Variants in LUZP2 observed in about 807,000 individuals in gnomAD.
The protein encoded by LUZP2 is leucine zipper protein 2.
Under a neutral mutation model 51.6 loss-of-function variants are expected in LUZP2, and 52 were observed. The observed-to-expected ratio is 1.01, with a 90% CI of 0.81 to 1.27. The LOEUF (loss-of-function observed/expected upper bound fraction) is 1.27, where lower values mean the gene tolerates loss of function less well. LUZP2 is among the 50% of genes most tolerant of loss of function. The pLI is 0.00. For missense variants in LUZP2, 436 were observed against 395.4 expected, an observed-to-expected ratio of 1.10 and a Z score of -0.87; for synonymous variants, 154 against 137.3, an observed-to-expected ratio of 1.12 and a Z score of -0.85.
chr11:24,921,567 C>T (rs1328646546), intron 7 of LUZP2, among the ~76,000 whole-genome samples: 1 of 152,004 alleles, frequency 6.6e-6, no homozygotes, highest in Non-Finnish European at 1.5e-5. Context: ...CTTTTAAAGC[C>T]GCATTTTTGT....
intron 5 of LUZP2, among the ~76,000 whole-genome samples, chr11:24,901,998 A>G (rs1037239123): frequency 5.3e-5 from 8 of 152,164 alleles, no homozygotes; most frequent in African/African-American, 1.9e-4. Context: ...GTCTCCCTTA[A>G]TAAATCAAAC....
At chr11:24,826,190 A>AAAAAAAAATATATATATATATAT (rs1215786412) in intron 5 of LUZP2, among the ~76,000 whole-genome samples, 1 of 67,536 alleles carries the variant, frequency 1.5e-5, no homozygotes, top group African/African-American at 5.9e-5. Context: ...AAAAAAAAAA[A>AAAAAAAAATATATATATATATAT]ATATATATAT....
chr11:24,546,156 G>T (rs1851534431), intron 1 of LUZP2, among the ~76,000 whole-genome samples: 1 of 151,986 alleles, frequency 6.6e-6, no homozygotes, highest in Admixed American at 6.6e-5. Flanking sequence ...TTTTGAAGTT[G>T]CTTATCAGCT....
At chr11:24,869,956 G>A (rs1852009494) in intron 5 of LUZP2, among the ~76,000 whole-genome samples, 1 of 152,144 alleles carries the variant, frequency 6.6e-6, no homozygotes. Flanking sequence ...TAGCCAAATT[G>A]TGAATGTAAA....
chr11:24,971,254 T>A (rs1342982318), intron 7 of LUZP2, among the ~76,000 whole-genome samples: 1 of 152,070 alleles, frequency 6.6e-6, no homozygotes, highest in Non-Finnish European at 1.5e-5. Context: ...TTCAAGTGCA[T>A]TATATTTGTC....
intron 1 of LUZP2, among the ~76,000 whole-genome samples, chr11:24,585,537 T>G (rs1320510906): frequency 1.3e-5 from 2 of 152,152 alleles, no homozygotes; most frequent in Non-Finnish European, 2.9e-5. Flanking sequence ...TCATATGCTG[T>G]TTTACTTATC....
chr11:24,754,939 A>T (rs1291671978), intron 4 of LUZP2, among the ~76,000 whole-genome samples: 1 of 152,144 alleles, frequency 6.6e-6, no homozygotes, highest in African/African-American at 2.4e-5. Context: ...TGAGGTCAGG[A>T]GTTCAAGACC....
At chr11:24,695,919 T>G (rs1208145875) in intron 1 of LUZP2, among the ~76,000 whole-genome samples, 2 of 151,406 alleles carry the variant, frequency 1.3e-5, no homozygotes, top group Non-Finnish European at 2.9e-5. Context: ...GGGGAAAGAA[T>G]GGGAAAATAA....
intron 9 of LUZP2, among the ~76,000 whole-genome samples, chr11:25,045,936 A>C (rs977098789): frequency 9.9e-5 from 15 of 152,198 alleles, no homozygotes; most frequent in African/African-American, 3.6e-4. Flanking sequence ...ATTAGCAAGA[A>C]GATGGGAGAA....
chr11:24,867,671 T>G (rs1590662268), intron 5 of LUZP2, among the ~76,000 whole-genome samples: 1 of 152,270 alleles, frequency 6.6e-6, no homozygotes, highest in Admixed American at 6.5e-5. Flanking sequence ...TGTTTGCTTG[T>G]CAAGGAACTT....
intron 1 of LUZP2, among the ~76,000 whole-genome samples, chr11:24,674,057 G>A (rs1162002191): frequency 2.6e-5 from 4 of 152,120 alleles, no homozygotes; most frequent in Non-Finnish European, 5.9e-5. Context: ...CAGTTTATAA[G>A]ATAATTTAGG....
intron 1 of LUZP2, among the ~76,000 whole-genome samples, chr11:24,516,712 C>T (rs1037664042): frequency 3.3e-5 from 5 of 152,088 alleles, no homozygotes; most frequent in Non-Finnish European, 5.9e-5. Context: ...GAGGTCTTTC[C>T]TGGTGCTGTG....
chr11:24,787,998 T>G (rs1426073851), intron 5 of LUZP2, among the ~76,000 whole-genome samples: 2 of 151,894 alleles, frequency 1.3e-5, no homozygotes, highest in Non-Finnish European at 2.9e-5. Context: ...CCCCGTAAAC[T>G]TTTTTGTAAA....
intron 5 of LUZP2, among the ~76,000 whole-genome samples, chr11:24,835,740 T>C (rs1260286825): frequency 3.9e-5 from 6 of 152,128 alleles, no homozygotes; most frequent in African/African-American, 1.4e-4. Flanking sequence ...AGAAATGTTG[T>C]AATTATTAAG....
At chr11:24,652,147 T>C (rs1316956049) in intron 1 of LUZP2, among the ~76,000 whole-genome samples, 4 of 151,980 alleles carry the variant, frequency 2.6e-5, no homozygotes, top group Non-Finnish European at 5.9e-5. Context: ...TATCTCCTGT[T>C]GGTTCCATTC....
intron 5 of LUZP2, among the ~76,000 whole-genome samples, chr11:24,824,571 C>G (rs1850469021): frequency 6.6e-6 from 1 of 151,714 alleles, no homozygotes; most frequent in African/African-American, 2.4e-5. Context: ...ATCTTAGTTT[C>G]ATTATGTGAA....
chr11:24,898,075 C>T (rs1853141713), intron 5 of LUZP2, among the ~76,000 whole-genome samples: 1 of 151,906 alleles, frequency 6.6e-6, no homozygotes, highest in South Asian at 2.1e-4. Context: ...GGAGATTCTG[C>T]TATTGAGAAG....
intron 1 of LUZP2, among the ~76,000 whole-genome samples, chr11:24,727,055 TA>T (rs5790433): frequency 0.35 from 53,904 of 151,916 alleles, 9,968 homozygotes; most frequent in Non-Finnish European, 0.41. Context: ...TAGAGAGATT[TA>T]AATTGGTTCT....
chr11:24,972,377 T>G (rs1855766437), intron 7 of LUZP2, among the ~76,000 whole-genome samples: 1 of 152,216 alleles, frequency 6.6e-6, no homozygotes, highest in African/African-American at 2.4e-5. Context: ...ATTGACTAAT[T>G]TAATTCTCCC....
Sources: gnomAD v4.1 joint callset for allele counts (sites outside exome capture counted in the v4.1 genomes callset) on GRCh38, gnomAD v4.1.1 for gene constraint, MANE v1.5 for transcripts, NCBI Gene and HGNC (gene_info 2026-07-23, HGNC 2026-07-21) for gene names.